Variants in ROBO2 observed in about 807,000 individuals in gnomAD.
ROBO2 encodes the protein roundabout homolog 2.
A neutral mutation model predicts 160.8 loss-of-function variants in ROBO2; 53 were observed. The ratio of observed to expected loss-of-function variants is 0.33; its 90% CI spans 0.26 to 0.41. ROBO2 has a LOEUF of 0.41. ROBO2 is among the 10% of genes least tolerant of loss of function. The pLI is 1.00. For missense variants in ROBO2, 1,577 were observed against 1,722.4 expected, an observed-to-expected ratio of 0.92 and a Z score of 1.49; for synonymous variants, 664 against 611.7, an observed-to-expected ratio of 1.09 and a Z score of -1.26.
intron 8 of ROBO2, among the ~76,000 whole-genome samples, chr3:77,555,800 A>G (rs1051183933): frequency 6.6e-6 from 1 of 151,934 alleles, no homozygotes; most frequent in Non-Finnish European, 1.5e-5. Context: ...GAATCCCTAA[A>G]TGTTCATTTA....
At chr3:76,123,617 T>C (rs1028148860) in intron 2 of ROBO2, among the ~76,000 whole-genome samples, 1 of 152,174 alleles carries the variant, frequency 6.6e-6, no homozygotes, top group Non-Finnish European at 1.5e-5. Flanking sequence ...TAACTATGTT[T>C]TGGACTCTCC....
intron 2 of ROBO2, among the ~76,000 whole-genome samples, chr3:76,502,052 C>T (rs1356196756): frequency 7.0e-6 from 1 of 142,210 alleles, no homozygotes; most frequent in Non-Finnish European, 1.5e-5. Context: ...TATAATAATA[C>T]ATATGGTTTT....
chr3:76,491,023 G>A (rs1012379262), intron 2 of ROBO2, among the ~76,000 whole-genome samples: 3 of 151,804 alleles, frequency 2.0e-5, no homozygotes, highest in African/African-American at 4.8e-5. Context: ...GCAGTGGTGC[G>A]ATCTTGGCTT....
intron 2 of ROBO2, among the ~76,000 whole-genome samples, chr3:76,272,794 A>AATATATATT (rs1707550915): frequency 1.0e-4 from 1 of 9,850 alleles, no homozygotes; most frequent in East Asian, 2.3e-3. Context: ...TATAAAATAT[A>AATATATATT]TATATATAAA....
At chr3:77,474,292 A>C (rs2083714721) in intron 2 of ROBO2, among the ~76,000 whole-genome samples, 1 of 152,108 alleles carries the variant, frequency 6.6e-6, no homozygotes, top group Non-Finnish European at 1.5e-5. Flanking sequence ...GTGTTAGGCA[A>C]TTACTCTGTG....
chr3:77,191,552 A>G (rs891230843), intron 2 of ROBO2, among the ~76,000 whole-genome samples: 1 of 152,168 alleles, frequency 6.6e-6, no homozygotes, highest in African/African-American at 2.4e-5. Flanking sequence ...CATTTTATCT[A>G]ATAAAATTCA....
At position 76,273,130 on chromosome 3, in the gene ROBO2, T is replaced by C. The variant is rs1350549171; in HGVS notation, c.109+335528T>C. 3.9e-4 allele frequency among the ~76,000 whole-genome samples: 49 copies of C among 127,154 alleles called. 1 individual carries two copies. Among genetic ancestry groups the C allele is most frequent in the African/African-American group, 1.1e-3 (36 of 33,092 alleles). 83.4% of individuals were successfully genotyped at this position (127,154 alleles called of 152,430 possible). A position where few individuals can be genotyped will look rare whatever the true frequency, so the allele number is the denominator to read the frequency against. On this transcript the variant is annotated intron_variant, in intron 2 of 26. Coordinates refer to the ROBO2 transcript ENST00000487694. ...ACACACACACATATAAATATATATA[T>C]ATATATATATATATATACACATTTC...
At chr3:77,340,512 T>A (rs550960994) in intron 2 of ROBO2, among the ~76,000 whole-genome samples, 14 of 152,246 alleles carry the variant, frequency 9.2e-5, no homozygotes, top group Admixed American at 5.9e-4. Context: ...GTTTGCACTG[T>A]TGAATTTTCT....
intron 2 of ROBO2, among the ~76,000 whole-genome samples, chr3:77,366,898 C>CCCA (rs1553924926): frequency 4.1e-5 from 6 of 146,280 alleles, no homozygotes; most frequent in East Asian, 2.0e-4. Context: ...ACAGCACCCC[C>CCCA]CCGACACTCA....
chr3:76,022,891 G>C (rs556410549), intron 2 of ROBO2, among the ~76,000 whole-genome samples: 1 of 151,736 alleles, frequency 6.6e-6, no homozygotes, highest in Non-Finnish European at 1.5e-5. Context: ...GTCCTAGACA[G>C]CATTTTATTT....
intron 2 of ROBO2, among the ~76,000 whole-genome samples, chr3:77,218,376 CT>C (rs199847608): frequency 2.7e-3 from 382 of 140,146 alleles, no homozygotes; most frequent in Admixed American, 4.4e-3. Flanking sequence ...TGAAATTATA[CT>C]TTTTTTTTTT....
At chr3:76,807,601 G>A (rs1052303621) in intron 2 of ROBO2, among the ~76,000 whole-genome samples, 1 of 151,930 alleles carries the variant, frequency 6.6e-6, no homozygotes, top group Non-Finnish European at 1.5e-5. Flanking sequence ...ATTTATTAGA[G>A]AAGTAAACTG....
chr3:77,383,546 CAA>C (rs992933144), intron 2 of ROBO2, among the ~76,000 whole-genome samples: 18 of 152,158 alleles, frequency 1.2e-4, no homozygotes, highest in African/African-American at 4.1e-4. Context: ...TGCTGATACT[CAA>C]AGTTTAGTTG....
intron 2 of ROBO2, among the ~76,000 whole-genome samples, chr3:76,675,451 T>C (rs540705907): frequency 2.0e-5 from 3 of 152,282 alleles, no homozygotes; most frequent in South Asian, 4.2e-4. Context: ...CGAAAACACA[T>C]TTACAAATGC....
intron 2 of ROBO2, among the ~76,000 whole-genome samples, chr3:76,008,685 G>A (rs1293986262): frequency 1.3e-5 from 2 of 151,952 alleles, no homozygotes; most frequent in African/African-American, 4.8e-5. Context: ...CCTATTGTAA[G>A]AAGTTAGAAT....
chr3:76,800,396 T>C (rs1319772966), intron 2 of ROBO2, among the ~76,000 whole-genome samples: 1 of 151,970 alleles, frequency 6.6e-6, no homozygotes, highest in Non-Finnish European at 1.5e-5. Context: ...AAATATCTTC[T>C]GCACAAAAAA....
intron 2 of ROBO2, among the ~76,000 whole-genome samples, chr3:76,134,078 G>A (rs570446186): frequency 5.3e-5 from 8 of 152,070 alleles, no homozygotes; most frequent in East Asian, 3.9e-4. Flanking sequence ...TACTTTTTCC[G>A]TTTTAGTAAA....
intron 2 of ROBO2, among the ~76,000 whole-genome samples, chr3:77,436,170 G>T (rs187038317): frequency 3.4e-4 from 51 of 151,446 alleles, no homozygotes; most frequent in African/African-American, 1.2e-3. Flanking sequence ...TTACATTTCA[G>T]ATTTTGAAAA....
chr3:76,495,926 T>G (rs1313126590), intron 2 of ROBO2, among the ~76,000 whole-genome samples: 1 of 152,218 alleles, frequency 6.6e-6, no homozygotes. Context: ...TGTATGCCTA[T>G]TAATATTTTG....
Sources: gnomAD v4.1 joint callset for allele counts (sites outside exome capture counted in the v4.1 genomes callset) on GRCh38, gnomAD v4.1.1 for gene constraint, MANE v1.5 for transcripts, NCBI Gene and HGNC (gene_info 2026-07-23, HGNC 2026-07-21) for gene names.